Variants in LGR5 observed in about 807,000 individuals in gnomAD.
LGR5 encodes the protein leucine rich repeat containing G protein-coupled receptor 5, also known as leucine-rich repeat-containing G protein-coupled receptor 5.
In LGR5, 54 loss-of-function variants were observed where a neutral mutation model predicts 76.7. The observed-to-expected ratio is 0.70, with a 90% CI of 0.57 to 0.88. LGR5 has a LOEUF of 0.88. Ranked by LOEUF, LGR5 falls within the 40% of genes least tolerant of loss-of-function variation. LGR5 has a pLI of 0.00. For missense variants in LGR5, 1,078 were observed against 1,073.3 expected (o/e 1.00, Z -0.06); for synonymous variants, 406 against 421.9 (o/e 0.96, Z 0.46).
At chr12:71,551,340 A>G (rs1877475116) in intron 4 of LGR5, among the ~76,000 whole-genome samples, 1 of 152,224 alleles carries the variant, frequency 6.6e-6, no homozygotes, top group African/African-American at 2.4e-5. Flanking sequence ...TCATTTCTAA[A>G]TTGTTTAATT....
chr12:71,576,618 G>A (rs901394108), intron 13 of LGR5, among the ~76,000 whole-genome samples: 6 of 152,144 alleles, frequency 3.9e-5, no homozygotes, highest in African/African-American at 1.4e-4. Context: ...GCTGCTGGGA[G>A]GATTCCAGCG....
In LGR5 at chr12:71,578,794, T is replaced by A. The variant is rs779853842; in HGVS notation, c.1281-10T>A. 3 of 1,589,412 alleles carry A rather than the reference T, an allele frequency of 1.9e-6. No individual in the cohort carries two copies. Among genetic ancestry groups the A allele is most frequent in the East Asian group, 2.2e-5 (1 of 44,476 alleles). On this transcript the variant is annotated splice_polypyrimidine_tract_variant and intron_variant, in intron 14 of 17. Coordinates refer to ENST00000266674, the MANE Select transcript of LGR5 (RefSeq NM_003667.4). ...AGACTAAAAGCCAATTGTTGTTTGATGTTTTGCAGGGACCTATCGTCCAAC... is the reference window on the plus strand; with the variant it reads ...AGACTAAAAGCCAATTGTTGTTTGAAGTTTTGCAGGGACCTATCGTCCAAC...
rs547318327 is a variant in LGR5, at chr12:71,498,603, G to A, written c.213-6011G>A. 7.9e-5 allele frequency among the ~76,000 whole-genome samples: 12 copies of A among 152,208 alleles called. No homozygotes were observed. The South Asian group carries it at 2.5e-3, about 32-fold the overall frequency. On this transcript the variant is annotated intron_variant, in intron 1 of 17. Coordinates refer to ENST00000266674, the MANE Select transcript of LGR5 (RefSeq NM_003667.4). ...TTGTAAGGACACTAATCTCATCATG[G>A]GGGCTCCTCTTTCATGACCTAATTA...
chr12:71,578,848 T>C lies in LGR5; in HGVS notation c.1325T>C (p.Leu442Ser). ...CTGTCGTCTTTTCCTATAACTGGGTTACATGGTTTAACTCACTTAAAATTA... is the reference window on the plus strand; with the variant it reads ...CTGTCGTCTTTTCCTATAACTGGGTCACATGGTTTAACTCACTTAAAATTA... ...NLLSSFPITG[L>S]HGLTHLKLTG... is the part of the protein sequence containing the mutation. Residue 442 changes from leucine (L) to serine (S), a missense_variant, in exon 15 of 18, where the codon TTA becomes TCA. By Grantham distance (145) the Leu-to-Ser change is moderately radical. Transcript: ENST00000266674. 6.2e-7 allele frequency: 1 copy of C among 1,612,856 alleles called. No homozygotes were observed. Among genetic ancestry groups the C allele is most frequent in the Non-Finnish European group, 8.5e-7 (1 of 1,179,280 alleles).
intron 1 of LGR5, among the ~76,000 whole-genome samples, chr12:71,482,430 C>T (rs35212340): frequency 0.09 from 13,632 of 152,066 alleles, 659 homozygotes; most frequent in Non-Finnish European, 0.11. Flanking sequence ...CATGGCCTTC[C>T]CTCCACCTGT....
At chr12:71,542,551 C>T (rs1876935695) in intron 4 of LGR5, among the ~76,000 whole-genome samples, 1 of 152,098 alleles carries the variant, frequency 6.6e-6, no homozygotes, top group Admixed American at 6.6e-5. Flanking sequence ...AGAACTTCAT[C>T]AGGTTAGGGA....
chr12:71,539,596 G>A (rs530933100), intron 4 of LGR5, among the ~76,000 whole-genome samples: 105 of 152,210 alleles, frequency 6.9e-4, no homozygotes, highest in Non-Finnish European at 6.9e-4. Flanking sequence ...TTCTGCCTCA[G>A]CCTCCTAAGT....
chr12:71,470,337 C>G (rs1425829457), intron 1 of LGR5, among the ~76,000 whole-genome samples: 2 of 152,144 alleles, frequency 1.3e-5, no homozygotes, highest in African/African-American at 2.4e-5. Flanking sequence ...CAGCAGCTAA[C>G]TAGGAATATA....
intron 17 of LGR5, among the ~76,000 whole-genome samples, chr12:71,582,942 G>GAGGAAGGAAGGA (rs72361433): frequency 7.0e-6 from 1 of 143,212 alleles, no homozygotes; most frequent in Non-Finnish European, 1.5e-5. Flanking sequence ...GTACAGATAA[G>GAGGAAGGAAGGA]AGGAAGGAAG....
chr12:71,501,651 A>G (rs1329965535), intron 1 of LGR5, among the ~76,000 whole-genome samples: 1 of 152,246 alleles, frequency 6.6e-6, no homozygotes, highest in African/African-American at 2.4e-5. Context: ...TTCAGAGTAA[A>G]GTCTGGAAAC....
intron 2 of LGR5, among the ~76,000 whole-genome samples, chr12:71,517,003 A>T (rs1002380781): frequency 2.6e-4 from 8 of 31,050 alleles, no homozygotes; most frequent in African/African-American, 8.2e-4. Flanking sequence ...AAACAGCATT[A>T]AAAAAAAAAA....
chr12:71,485,967 T>C (rs1873807001), intron 1 of LGR5, among the ~76,000 whole-genome samples: 1 of 151,978 alleles, frequency 6.6e-6, no homozygotes. Context: ...GGGTTTACTA[T>C]GTTGGCTAGG....
chr12:71,452,089 C>T (rs147909160), intron 1 of LGR5, among the ~76,000 whole-genome samples: 257 of 152,308 alleles, frequency 1.7e-3, no homozygotes, highest in Non-Finnish European at 2.5e-3. Context: ...CATTCCTTCC[C>T]GTGGAAACCA....
chr12:71,523,253 T>C (rs1363320083), intron 2 of LGR5, among the ~76,000 whole-genome samples: 12 of 152,138 alleles, frequency 7.9e-5, no homozygotes, highest in Admixed American at 6.6e-4. Context: ...CCTTTAAAGA[T>C]AGTATCAAAG....
chr12:71,468,454 A>C (rs954381331), intron 1 of LGR5, among the ~76,000 whole-genome samples: 2 of 152,220 alleles, frequency 1.3e-5, no homozygotes, highest in African/African-American at 4.8e-5. Context: ...TGAATGCTAA[A>C]GCCTTCCCTC....
intron 4 of LGR5, among the ~76,000 whole-genome samples, chr12:71,545,529 CTGTT>C (rs975307478): frequency 1.3e-4 from 19 of 151,926 alleles, no homozygotes; most frequent in Admixed American, 3.9e-4. Context: ...CTTCATAACT[CTGTT>C]TATTACAAGA....
At chr12:71,514,005 G>A (rs1875301028) in intron 2 of LGR5, among the ~76,000 whole-genome samples, 1 of 152,144 alleles carries the variant, frequency 6.6e-6, no homozygotes, top group Non-Finnish European at 1.5e-5. Context: ...AAATGAGCTA[G>A]GCAGAGTGGT....
chr12:71,498,118 G>T (rs1269531002), intron 1 of LGR5, among the ~76,000 whole-genome samples: 1 of 152,050 alleles, frequency 6.6e-6, no homozygotes, highest in Non-Finnish European at 1.5e-5. Flanking sequence ...GGGGTAGAAG[G>T]GCACCTTTCA....
At chr12:71,471,646 T>G (rs185800198) in intron 1 of LGR5, among the ~76,000 whole-genome samples, 29 of 152,098 alleles carry the variant, frequency 1.9e-4, no homozygotes, top group South Asian at 1.2e-3. Context: ...GTTTTGTTTT[T>G]TTTTTTTTAA....
Sources: allele counts gnomAD v4.1 joint callset (sites outside exome capture counted in the v4.1 genomes callset), GRCh38; gene constraint gnomAD v4.1.1; transcripts MANE v1.5; gene names NCBI Gene and HGNC (gene_info 2026-07-23, HGNC 2026-07-21).